Variants in ERICH3 observed in about 807,000 individuals in gnomAD.
The protein encoded by ERICH3 is glutamate-rich protein 3.
ERICH3 carries 126 observed loss-of-function variants against 131.1 expected under a neutral mutation model. That is an observed-to-expected ratio of 0.96 (90% confidence interval 0.83 to 1.11). The LOEUF is 1.11. Ranked by LOEUF, ERICH3 falls within the 50% of genes most tolerant of loss-of-function variation. The pLI is 0.00. For missense variants in ERICH3, 2,050 were observed against 1,810.7 expected (o/e 1.13, Z -2.40); for synonymous variants, 695 against 644.6 (o/e 1.08, Z -1.18).
intron 10 of ERICH3, among the ~76,000 whole-genome samples, chr1:74,606,125 A>G (rs1042997716): frequency 6.6e-6 from 1 of 151,654 alleles, no homozygotes; most frequent in South Asian, 2.1e-4. Flanking sequence ...AAAGCAAAAG[A>G]AAAAAAGCAG....
rs145133382 is a variant in ERICH3, at chr1:74,573,244, T to G, written c.2466A>C (p.Ala822=). 1,096 of 1,601,956 alleles carry G rather than the reference T, an allele frequency of 6.8e-4. 1 individual carries two copies. The highest frequency in any genetic ancestry group is 8.5e-4 in the Non-Finnish European group (1,001 of 1,175,146). ...TCTCCCTTTTTTCTGTAAACTCTTC[T>G]GCCAATTCTGGCTGCTCTGCTGTTG... The part of the protein sequence containing the change: ...WKPTAEQPEL[A]EEFTEKREIP... Residue 822 remains alanine, a synonymous_variant, in exon 14 of 15, where the codon GCA becomes GCC. Transcript: ENST00000326665.
intron 11 of ERICH3, among the ~76,000 whole-genome samples, chr1:74,593,929 C>T (rs929702892): frequency 2.0e-5 from 3 of 152,226 alleles, no homozygotes; most frequent in African/African-American, 7.2e-5. Flanking sequence ...CATGGACCCA[C>T]CATTGCTCCT....
In ERICH3 at chr1:74,572,173, CCCT is replaced by C. The variant is rs10539747; in HGVS notation, c.3534_3536del (p.Gly1179del). On this transcript the variant is annotated inframe_deletion, in exon 14 of 15. Coordinates refer to ENST00000326665, the MANE Select transcript of ERICH3 (RefSeq NM_001002912.5). ...TGTCTCTGGCTTCACTCAGTCTTTCCCCTCCTCCTTCTTTCCTCAGAGCTGTTA... is the reference window on the plus strand; with the variant it reads ...TGTCTCTGGCTTCACTCAGTCTTTCCCCTCCTTCTTTCCTCAGAGCTGTTA... The C allele has an allele frequency of 0.1, 166,667 of 1,614,032 alleles. 9,473 individuals carry two copies. Among genetic ancestry groups the C allele is most frequent in the East Asian group, 0.24 (10,620 of 44,846 alleles).
At chr1:74,665,993 A>G (rs1325265201) in intron 1 of ERICH3, among the ~76,000 whole-genome samples, 1 of 152,174 alleles carries the variant, frequency 6.6e-6, no homozygotes, top group Non-Finnish European at 1.5e-5. Flanking sequence ...ATAAAAACCC[A>G]AAATACCATA....
intron 14 of ERICH3, 26 bp downstream of exon 14, chr1:74,571,073 T>C (rs1646933407): frequency 6.3e-7 from 1 of 1,579,570 alleles, no homozygotes; most frequent in Non-Finnish European, 8.6e-7. Flanking sequence ...TATTTAGTCC[T>C]ACAAAGACAT....
chr1:74,671,484 C>G (rs1377433224), intron 1 of ERICH3, among the ~76,000 whole-genome samples: 3 of 152,222 alleles, frequency 2.0e-5, no homozygotes, highest in African/African-American at 7.2e-5. Context: ...TATGTGATGT[C>G]ACCCTGGTGG....
intron 13 of ERICH3, among the ~76,000 whole-genome samples, chr1:74,576,386 A>G (rs1187878821): frequency 6.6e-6 from 1 of 152,180 alleles, no homozygotes; most frequent in African/African-American, 2.4e-5. Context: ...GCCCATTATA[A>G]AAGATATGGG....
At position 74,571,438 on chromosome 1, in the gene ERICH3, T is replaced by C. The variant is rs760654418; in HGVS notation, c.4272A>G (p.Thr1424=). Residue 1424 remains threonine, a synonymous_variant, in exon 14 of 15, where the codon ACA becomes ACG. Transcript: ENST00000326665. ...EVPAAEEMTV[T]YTTEAGVGTP... ...TGCCCACCCCAGCCTCTGTTGTATATGTCACTGTCATCTCCTCTGCTGCTG... is the reference window on the plus strand; with the variant it reads ...TGCCCACCCCAGCCTCTGTTGTATACGTCACTGTCATCTCCTCTGCTGCTG... 2 of 1,614,036 alleles carry C rather than the reference T, an allele frequency of 1.2e-6. No homozygotes were observed. Among genetic ancestry groups the C allele is most frequent in the South Asian group, 1.1e-5 (1 of 91,066 alleles).
At chr1:74,588,555 TA>T (rs1647443305) in intron 12 of ERICH3, among the ~76,000 whole-genome samples, 1 of 152,216 alleles carries the variant, frequency 6.6e-6, no homozygotes. Flanking sequence ...CATATGCTTT[TA>T]AAACGCAGCT....
intron 8 of ERICH3, among the ~76,000 whole-genome samples, chr1:74,619,998 C>T (rs914155873): frequency 3.9e-5 from 6 of 152,108 alleles, no homozygotes; most frequent in African/African-American, 1.2e-4. Context: ...CAATTCTCCC[C>T]GTAACTCCTA....
At position 74,572,259 on chromosome 1, in the gene ERICH3, C is replaced by G. The variant is rs767405824; in HGVS notation, c.3451G>C (p.Glu1151Gln). 10 of 1,614,124 alleles carry G rather than the reference C, an allele frequency of 6.2e-6. No homozygotes were observed. The South Asian group carries it at 8.8e-5, about 14-fold the overall frequency. The change falls in exon 14 of 15, where the codon GAG becomes CAG. Residue 1151 changes from glutamate to glutamine, a missense_variant. Coordinates refer to ENST00000326665, the MANE Select transcript of ERICH3 (RefSeq NM_001002912.5). Reference protein sequence around the residue: ...PGLLGEDSLKETVVPIFEATP... With the variant: ...PGLLGEDSLKQTVVPIFEATP... ...GCTTCAAATATGGGAACCACTGTCT[C>G]TTTTAGTGAATCTTCTCCTAGAAGC...
intron 6 of ERICH3, chr1:74,634,859 T>C (rs1646374266): frequency 1.8e-6 from 1 of 557,120 alleles, no homozygotes; most frequent in South Asian, 2.6e-5. Context: ...TATCAGGCCA[T>C]ATAGGCCTTA....
At position 74,673,743 on chromosome 1, in the gene ERICH3, A is replaced by C; in HGVS notation, c.-224T>G. 1 of 414,778 alleles carries C rather than the reference A, an allele frequency of 2.4e-6. No homozygotes were observed. 25.7% of individuals were successfully genotyped at this position (414,778 alleles called of 1,614,324 possible). ...GGTATCCACAGCTTCCCTGTTGCTA[A>C]GGGAGGAGAGAGGCAAGCGCCCAGG... On this transcript the variant is annotated 5_prime_UTR_variant, in exon 1 of 15. Transcript: ENST00000326665.
intron 11 of ERICH3, among the ~76,000 whole-genome samples, chr1:74,597,958 G>A (rs1355868846): frequency 6.6e-6 from 1 of 151,888 alleles, no homozygotes; most frequent in Non-Finnish European, 1.5e-5. Context: ...AACATCTAGT[G>A]AGAACATTAC....
intron 10 of ERICH3, among the ~76,000 whole-genome samples, chr1:74,605,205 C>A (rs1340537550): frequency 6.6e-6 from 1 of 151,966 alleles, no homozygotes; most frequent in Admixed American, 6.6e-5. Flanking sequence ...CCTGCACCTT[C>A]TTCACCTCTC....
At chr1:74,616,426 T>A (rs1648969688) in intron 8 of ERICH3, among the ~76,000 whole-genome samples, 1 of 152,128 alleles carries the variant, frequency 6.6e-6, no homozygotes, top group Non-Finnish European at 1.5e-5. Flanking sequence ...ATAAGCTCCC[T>A]ATATATCCCT....
chr1:74,628,777 G>C (rs551538013), intron 7 of ERICH3, among the ~76,000 whole-genome samples: 1 of 151,858 alleles, frequency 6.6e-6, no homozygotes, highest in South Asian at 2.1e-4. Flanking sequence ...AAAGTAATAT[G>C]ACAAAAAGGA....
chr1:74,608,690 A>G (rs1207758795), intron 9 of ERICH3, among the ~76,000 whole-genome samples: 1 of 152,128 alleles, frequency 6.6e-6, no homozygotes, highest in Non-Finnish European at 1.5e-5. Flanking sequence ...GCTGTAAAAA[A>G]TGAGATAATG....
chr1:74,667,294 G>A (rs1220246351), intron 1 of ERICH3, among the ~76,000 whole-genome samples: 1 of 152,056 alleles, frequency 6.6e-6, no homozygotes, highest in Non-Finnish European at 1.5e-5. Flanking sequence ...TTTAATCTTA[G>A]ATTTTTTGTT....
Sources: gnomAD v4.1 joint callset for allele counts (sites outside exome capture counted in the v4.1 genomes callset) on GRCh38, gnomAD v4.1.1 for gene constraint, MANE v1.5 for transcripts, NCBI Gene and HGNC (gene_info 2026-07-23, HGNC 2026-07-21) for gene names.